RPS6KC1: variants seen among roughly 807,000 people sequenced by gnomAD.
RPS6KC1 encodes the protein inactive ribosomal protein S6 kinase delta-1.
RPS6KC1 carries 54 observed loss-of-function variants against 103.8 expected under a neutral mutation model. The ratio of observed to expected loss-of-function variants is 0.52; its 90% CI spans 0.42 to 0.65. The LOEUF (loss-of-function observed/expected upper bound fraction) is 0.65. RPS6KC1 is among the 30% of genes least tolerant of loss of function. The probability of loss-of-function intolerance (pLI) is 0.00; values close to 1 mark genes in which losing one functional copy is unlikely to be tolerated. For synonymous variants in RPS6KC1, 439 were observed against 438.7 expected (o/e 1.00, Z -0.01); for missense variants, 1,151 against 1,253.8 (o/e 0.92, Z 1.24).
At chr1:213,071,071 G>C in intron 2 of RPS6KC1, 30 bp downstream of exon 2, 1 of 1,371,210 alleles carries the variant, frequency 7.3e-7, no homozygotes, top group Non-Finnish European at 1.0e-6. Flanking sequence ...TTTATTTTAT[G>C]TATTTGATAA....
chr1:213,149,213 G>A (rs186017932), intron 6 of RPS6KC1, among the ~76,000 whole-genome samples: 96 of 151,726 alleles, frequency 6.3e-4, no homozygotes, highest in African/African-American at 2.1e-3. Context: ...TTTTGGGTTC[G>A]GTTTGCTCTT....
intron 8 of RPS6KC1, among the ~76,000 whole-genome samples, chr1:213,215,584 A>G (rs2093637624): frequency 6.6e-6 from 1 of 152,216 alleles, no homozygotes; most frequent in Admixed American, 6.5e-5. Context: ...TGTCAGATTC[A>G]CCAAACTTGA....
At chr1:213,607,901 C>A in the RPS6KC1 span, among the ~76,000 whole-genome samples, 36 of 152,208 alleles carry the variant, frequency 2.4e-4, no homozygotes, top group African/African-American at 8.2e-4. Flanking sequence ...TTTTAGTTTT[C>A]TAATGCTTAG....
At chr1:213,191,029 A>T (rs952475651) in intron 8 of RPS6KC1, among the ~76,000 whole-genome samples, 1 of 152,202 alleles carries the variant, frequency 6.6e-6, no homozygotes, top group Non-Finnish European at 1.5e-5. Flanking sequence ...TGCCAGTACC[A>T]TGCCATTTTG....
chr1:213,150,466 C>G (rs980315010), intron 6 of RPS6KC1, among the ~76,000 whole-genome samples: 6 of 148,950 alleles, frequency 4.0e-5, no homozygotes, highest in African/African-American at 7.4e-5. Context: ...TGCGGCCTTC[C>G]GCAGTGTTTG....
At chr1:213,417,904 G>C in the RPS6KC1 span, among the ~76,000 whole-genome samples, 5 of 152,104 alleles carry the variant, frequency 3.3e-5, no homozygotes, top group Non-Finnish European at 7.4e-5. Context: ...AGGTGATACC[G>C]GTCATTAAAT....
chr1:213,709,049 G>A, the RPS6KC1 span, among the ~76,000 whole-genome samples: 1 of 152,116 alleles, frequency 6.6e-6, no homozygotes, highest in Admixed American at 6.6e-5. Flanking sequence ...TTGGTATCAG[G>A]ATATGCTGAC....
chr1:213,120,210 A>G (rs1468827221), intron 5 of RPS6KC1, among the ~76,000 whole-genome samples: 1 of 152,224 alleles, frequency 6.6e-6, no homozygotes, highest in Non-Finnish European at 1.5e-5. Flanking sequence ...CTATGTTACC[A>G]TCTCTGAAAC....
chr1:213,141,969 A>G (rs1347782845), intron 6 of RPS6KC1, among the ~76,000 whole-genome samples: 2 of 151,904 alleles, frequency 1.3e-5, no homozygotes, highest in Non-Finnish European at 2.9e-5. Context: ...TGTCAGTGGA[A>G]TGTTGAAGTG....
the RPS6KC1 span, among the ~76,000 whole-genome samples, chr1:213,467,582 G>A: frequency 6.6e-6 from 1 of 152,198 alleles, no homozygotes; most frequent in Non-Finnish European, 1.5e-5. Flanking sequence ...TTGACACGTG[G>A]TCTTTTGGTT....
At chr1:213,418,745 C>T in the RPS6KC1 span, among the ~76,000 whole-genome samples, 1 of 152,206 alleles carries the variant, frequency 6.6e-6, no homozygotes, top group Non-Finnish European at 1.5e-5. Context: ...GAGCCATTGT[C>T]TCTGGCTGGC....
intron 8 of RPS6KC1, among the ~76,000 whole-genome samples, chr1:213,213,734 A>C (rs1331737322): frequency 6.6e-6 from 1 of 152,200 alleles, no homozygotes. Flanking sequence ...TTATTTGTAA[A>C]TCTGTTTTAG....
chr1:213,054,563 C>T (rs2077186397), intron 1 of RPS6KC1, among the ~76,000 whole-genome samples: 1 of 152,164 alleles, frequency 6.6e-6, no homozygotes, highest in Non-Finnish European at 1.5e-5. Context: ...TGATTTACTT[C>T]TAGCTTCAAG....
rs146290442 is a variant in RPS6KC1, at chr1:213,190,494, T to A, written c.1044+14002T>A. Reference sequence around the variant, plus strand: ...TCACATCCTTTGTCCATGTTTTAAATTAGACTTAGATTTTTTCCTATAGAG... The same window carrying A: ...TCACATCCTTTGTCCATGTTTTAAAATAGACTTAGATTTTTTCCTATAGAG... On this transcript the variant is annotated intron_variant, in intron 8 of 14. Coordinates refer to ENST00000366960, the MANE Select transcript of RPS6KC1 (RefSeq NM_012424.6). 2.7e-3 allele frequency among the ~76,000 whole-genome samples: 415 copies of A among 152,286 alleles called. 1 individual carries two copies. The highest frequency in any genetic ancestry group is 4.6e-3 in the Non-Finnish European group (315 of 67,996).
chr1:213,110,927 T>C (rs908365982), intron 4 of RPS6KC1, among the ~76,000 whole-genome samples: 3 of 151,954 alleles, frequency 2.0e-5, no homozygotes, highest in Admixed American at 6.6e-5. Flanking sequence ...GCTACTATTA[T>C]TGACAATATT....
chr1:213,561,869 A>G, the RPS6KC1 span, among the ~76,000 whole-genome samples: 3 of 152,260 alleles, frequency 2.0e-5, no homozygotes, highest in African/African-American at 7.2e-5. Flanking sequence ...TACCCCAGGA[A>G]TAATATAAGT....
At chr1:213,598,216 G>A in the RPS6KC1 span, among the ~76,000 whole-genome samples, 5 of 152,188 alleles carry the variant, frequency 3.3e-5, no homozygotes, top group Non-Finnish European at 7.3e-5. Context: ...GAAGTGGTAA[G>A]AGAAGCTGTT....
At chr1:213,627,409 T>C in the RPS6KC1 span, among the ~76,000 whole-genome samples, 1 of 152,050 alleles carries the variant, frequency 6.6e-6, no homozygotes, top group African/African-American at 2.4e-5. Context: ...TTGAATACCC[T>C]TTATTTCCTT....
the RPS6KC1 span, among the ~76,000 whole-genome samples, chr1:213,470,170 T>C: frequency 6.6e-6 from 1 of 152,232 alleles, no homozygotes; most frequent in East Asian, 1.9e-4. Flanking sequence ...CCAAGCAAGG[T>C]TCACACGTCA....
Sources: gnomAD v4.1 joint callset for allele counts (sites outside exome capture counted in the v4.1 genomes callset) on GRCh38, gnomAD v4.1.1 for gene constraint, MANE v1.5 for transcripts, NCBI Gene and HGNC (gene_info 2026-07-23, HGNC 2026-07-21) for gene names.